TMEM62: variants seen among roughly 807,000 people sequenced by gnomAD.
TMEM62 encodes the protein transmembrane protein 62.
In TMEM62, 41 loss-of-function variants were observed where a neutral mutation model predicts 70.4. The ratio of observed to expected loss-of-function variants is 0.58; its 90% CI spans 0.45 to 0.76. The LOEUF (loss-of-function observed/expected upper bound fraction) is 0.76, where lower values mean the gene tolerates loss of function less well. TMEM62 is among the 30% of genes least tolerant of loss of function. The probability of loss-of-function intolerance (pLI) is 0.00; values close to 1 mark genes in which losing one functional copy is unlikely to be tolerated. For missense variants in TMEM62, 688 were observed against 788.5 expected (o/e 0.87, Z 1.53); for synonymous variants, 268 against 291.0 (o/e 0.92, Z 0.80).
intron 11 of TMEM62, among the ~76,000 whole-genome samples, chr15:43,171,626 T>G (rs1483973254): frequency 0.027 from 4,024 of 147,584 alleles, 225 homozygotes; most frequent in African/African-American, 0.096. Context: ...TTTTTTTTTT[T>G]TTTTTTTTTG....
intron 7 of TMEM62, among the ~76,000 whole-genome samples, chr15:43,149,821 C>G (rs1171433099): frequency 6.6e-6 from 1 of 152,168 alleles, no homozygotes; most frequent in African/African-American, 2.4e-5. Flanking sequence ...AATTTTGTAT[C>G]TACCATACTG....
intron 10 of TMEM62, among the ~76,000 whole-genome samples, chr15:43,162,445 T>C (rs1205651615): frequency 1.3e-5 from 2 of 149,016 alleles, no homozygotes; most frequent in African/African-American, 5.0e-5. Context: ...TTTTTTTTTT[T>C]TGTTGAGCTG....
At chr15:43,159,589 G>T (rs1228394952) in intron 9 of TMEM62, among the ~76,000 whole-genome samples, 2 of 152,042 alleles carry the variant, frequency 1.3e-5, no homozygotes, top group Non-Finnish European at 2.9e-5. Context: ...CTTTTTTGAT[G>T]GCTGAATAGT....
chr15:43,163,267 A>T (rs2038977871), intron 10 of TMEM62, among the ~76,000 whole-genome samples: 1 of 152,158 alleles, frequency 6.6e-6, no homozygotes, highest in African/African-American at 2.4e-5. Context: ...AGATAGGTTT[A>T]GTGTATATTC....
At chr15:43,136,925 T>C (rs1000887594) in intron 3 of TMEM62, among the ~76,000 whole-genome samples, 1 of 151,172 alleles carries the variant, frequency 6.6e-6, no homozygotes, top group African/African-American at 2.4e-5. Context: ...ATTTTTGAAG[T>C]TTTTTTTTGT....
chr15:43,176,177 CG>C (rs1311528999), intron 11 of TMEM62, among the ~76,000 whole-genome samples: 1 of 152,250 alleles, frequency 6.6e-6, no homozygotes, highest in Non-Finnish European at 1.5e-5. Context: ...ACAAAGCAGC[CG>C]GGAAGCTCGA....
At chr15:43,162,158 G>C (rs1001223321) in intron 10 of TMEM62, among the ~76,000 whole-genome samples, 1 of 150,628 alleles carries the variant, frequency 6.6e-6, no homozygotes, top group African/African-American at 2.4e-5. Flanking sequence ...TTTTTTTTGA[G>C]ACAGAGTCTT....
rs1042435516 is a variant in TMEM62 at position 43,147,233 on chromosome 15, G to A, written c.618+599G>A. Reference sequence around the variant, plus strand: ...CCTGCCTCAGCCTCCCAAAGTGCTGGGATTACAGGCATGAGCCACTGTGCC... The same window carrying A: ...CCTGCCTCAGCCTCCCAAAGTGCTGAGATTACAGGCATGAGCCACTGTGCC... On this transcript the variant is annotated intron_variant, in intron 5 of 13. Transcript: ENST00000260403. Among the ~76,000 whole-genome samples, 5 of 152,128 alleles carry A rather than the reference G, an allele frequency of 3.3e-5. No homozygotes were observed. The East Asian group carries it at 9.6e-4, about 29-fold the overall frequency.
intron 11 of TMEM62, among the ~76,000 whole-genome samples, chr15:43,171,858 A>C (rs895304708): frequency 3.3e-5 from 5 of 151,732 alleles, no homozygotes; most frequent in African/African-American, 1.2e-4. Flanking sequence ...CAATCTCCTA[A>C]CATCATGATC....
chr15:43,134,350 G>A lies in TMEM62; in HGVS notation c.274G>A (p.Ala92Thr). 6.2e-7 allele frequency: 1 copy of A among 1,613,912 alleles called. No homozygotes were observed. The change falls in exon 2 of 14, where the codon GCT (alanine) becomes ACT (threonine). Residue 92 changes from alanine to threonine, a missense_variant. Ala to Thr is a moderately conservative substitution (Grantham distance 58). Transcript: ENST00000260403. ...CSETIDIIQP[A>T]LVLATGDLTD... Reference sequence around the variant, plus strand: ...TGAAACTATTGACATCATTCAACCAGCTCTCGTCCTAGCAACAGGTAGGGA... The same window carrying A: ...TGAAACTATTGACATCATTCAACCAACTCTCGTCCTAGCAACAGGTAGGGA...
chr15:43,157,849 G>C (rs1440269801), intron 9 of TMEM62, among the ~76,000 whole-genome samples: 1 of 152,176 alleles, frequency 6.6e-6, no homozygotes, highest in Non-Finnish European at 1.5e-5. Context: ...TACATAGATA[G>C]ATAGGCAGAT....
chr15:43,162,801 A>G (rs745373171), intron 10 of TMEM62, among the ~76,000 whole-genome samples: 2 of 152,264 alleles, frequency 1.3e-5, no homozygotes, highest in Admixed American at 1.3e-4. Flanking sequence ...CCTCTACTGT[A>G]TAAATAATGC....
chr15:43,171,624 T>TGTGTG (rs1472677715), intron 11 of TMEM62, among the ~76,000 whole-genome samples: 3 of 147,110 alleles, frequency 2.0e-5, no homozygotes, highest in African/African-American at 7.5e-5. Context: ...CTTTTTTTTT[T>TGTGTG]TTTTTTTTTT....
intron 11 of TMEM62, among the ~76,000 whole-genome samples, chr15:43,176,417 C>A (rs1461077715): frequency 6.6e-6 from 1 of 152,222 alleles, no homozygotes; most frequent in Non-Finnish European, 1.5e-5. Context: ...CCCGAGCAGC[C>A]CAACTGGGAG....
chr15:43,144,412 G>A (rs2036423228), intron 4 of TMEM62, among the ~76,000 whole-genome samples: 1 of 152,172 alleles, frequency 6.6e-6, no homozygotes, highest in Admixed American at 6.5e-5. Flanking sequence ...TCATAATTCA[G>A]CATAGGTTCT....
At chr15:43,137,657 A>G (rs1407134220) in intron 3 of TMEM62, among the ~76,000 whole-genome samples, 1 of 152,234 alleles carries the variant, frequency 6.6e-6, no homozygotes, top group African/African-American at 2.4e-5. Flanking sequence ...ACCGGGCTGT[A>G]CTTTGGCTTA....
chr15:43,136,397 A>T (rs1409163899), intron 3 of TMEM62, among the ~76,000 whole-genome samples: 3 of 152,158 alleles, frequency 2.0e-5, no homozygotes, highest in Non-Finnish European at 2.9e-5. Flanking sequence ...ACTGTGTGCA[A>T]ATTTTAAAAA....
chr15:43,178,736 G>A, intron 12 of TMEM62, 25 bp downstream of exon 12: 1 of 1,451,228 alleles, frequency 6.9e-7, no homozygotes, highest in Non-Finnish European at 9.5e-7. Flanking sequence ...ACAGATTATG[G>A]GGAATTTTGC....
intron 13 of TMEM62, among the ~76,000 whole-genome samples, chr15:43,183,522 T>C (rs189879100): frequency 3.3e-5 from 5 of 152,362 alleles, no homozygotes; most frequent in African/African-American, 1.2e-4. Context: ...CTGCCTAGAA[T>C]GCACTTCCCT....
Sources: gnomAD v4.1 joint callset for allele counts (sites outside exome capture counted in the v4.1 genomes callset) on GRCh38, gnomAD v4.1.1 for gene constraint, MANE v1.5 for transcripts, NCBI Gene and HGNC (gene_info 2026-07-23, HGNC 2026-07-21) for gene names.